MAPK14: variants seen among roughly 807,000 people sequenced by gnomAD.
The protein encoded by MAPK14 is CSAID-binding protein.
In MAPK14, 16 loss-of-function variants were observed where a neutral mutation model predicts 49.6. That is an observed-to-expected ratio of 0.32 (90% CI 0.22 to 0.49). The LOEUF (loss-of-function observed/expected upper bound fraction) is 0.49. MAPK14 is among the 20% of genes least tolerant of loss of function. The pLI, the probability that MAPK14 is intolerant of heterozygous loss-of-function variation, is 0.99. For synonymous variants in MAPK14, 142 were observed against 158.0 expected (o/e 0.90, Z 0.76); for missense variants, 200 against 441.2 (o/e 0.45, Z 4.90).
rs142446233 is a variant in MAPK14 at position 36,050,895 on chromosome 6, G to A, written c.117-1804G>A. On this transcript the variant is annotated intron_variant, in intron 1 of 11. Coordinates refer to ENST00000229794, the MANE Select transcript of MAPK14 (RefSeq NM_139012.3). Reference sequence around the variant, plus strand: ...TCAGAAAAGAGGTTGAAGATTTATAGGAGTTTATCACAAATTGGGATTTGA... The same window carrying A: ...TCAGAAAAGAGGTTGAAGATTTATAAGAGTTTATCACAAATTGGGATTTGA... 1.7e-3 allele frequency among the ~76,000 whole-genome samples: 253 copies of A among 152,232 alleles called. 1 individual carries two copies. Among genetic ancestry groups the A allele is most frequent in the African/African-American group, 3.1e-3 (127 of 41,530 alleles).
intron 3 of MAPK14, among the ~76,000 whole-genome samples, chr6:36,062,207 G>A (rs1763848850): frequency 6.6e-6 from 1 of 152,098 alleles, no homozygotes; most frequent in African/African-American, 2.4e-5. Context: ...GAACTCCTGA[G>A]CTCAGGTGGT....
At chr6:36,117,185 T>C in the MAPK14 span, among the ~76,000 whole-genome samples, 2 of 152,162 alleles carry the variant, frequency 1.3e-5, no homozygotes, top group African/African-American at 4.8e-5. Flanking sequence ...TCTCTACTCA[T>C]CTGGGATAGA....
Position 36,107,498 on chromosome 6 carries a change from G to C in MAPK14, c.885G>C (p.Lys295Asn). Residue 295 changes from lysine to asparagine, a missense_variant, in exon 11 of 12, where the codon AAG becomes AAC. Coordinates refer to ENST00000229794, the MANE Select transcript of MAPK14 (RefSeq NM_139012.3). This position sits in a 1 kb window ranked among gnomAD's most constrained non-coding sequence, Gnocchi z 4.3. Reference protein sequence around the residue: ...LEKMLVLDSDKRITAAQALAH... With the variant: ...LEKMLVLDSDNRITAAQALAH... ...AGATGCTTGTATTGGACTCAGATAA[G>C]AGAATTACAGCGGCCCAAGCCCTTG... 1 of 1,591,808 alleles carries C rather than the reference G, an allele frequency of 6.3e-7. No homozygotes were observed. Among genetic ancestry groups the C allele is most frequent in the South Asian group, 1.2e-5 (1 of 85,614 alleles).
At chr6:36,047,957 T>C (rs1394875762) in intron 1 of MAPK14, among the ~76,000 whole-genome samples, 1 of 152,110 alleles carries the variant, frequency 6.6e-6, no homozygotes, top group Non-Finnish European at 1.5e-5. Context: ...TTGGCCAGGC[T>C]GGTCTCAAAC....
chr6:36,091,245 TTTG>T (rs1439042391), intron 8 of MAPK14, among the ~76,000 whole-genome samples: 2 of 151,638 alleles, frequency 1.3e-5, no homozygotes, highest in Non-Finnish European at 2.9e-5. Context: ...GCTTAGTTTT[TTTG>T]TTTTTTTTTT....
At chr6:36,123,380 GAGCAAGGGAAGAAC>G in the MAPK14 span, among the ~76,000 whole-genome samples, 1 of 152,162 alleles carries the variant, frequency 6.6e-6, no homozygotes, top group Non-Finnish European at 1.5e-5. Flanking sequence ...TTCCCTCAGG[GAGCAAGGGAAGAAC>G]AGCAAAATCA....
chr6:36,096,340 A>C, intron 9 of MAPK14: 1 of 333,548 alleles, frequency 3.0e-6, no homozygotes, highest in Non-Finnish European at 5.5e-6. Context: ...AAGCAATGAG[A>C]TTTGAGATTC....
chr6:36,050,149 G>A (rs1763337441), intron 1 of MAPK14, among the ~76,000 whole-genome samples: 1 of 152,182 alleles, frequency 6.6e-6, no homozygotes, highest in Admixed American at 6.5e-5. Context: ...TCAGTTCCTT[G>A]GATTCAGTCA....
At chr6:36,090,846 C>T (rs78933630) in intron 8 of MAPK14, among the ~76,000 whole-genome samples, 2,440 of 152,272 alleles carry the variant, frequency 0.016, 59 homozygotes, top group African/African-American at 0.056. Flanking sequence ...TTGCCCTTTC[C>T]TCTCTAACTT....
At chr6:36,080,508 A>G (rs1304812487) in intron 8 of MAPK14, among the ~76,000 whole-genome samples, 1 of 152,164 alleles carries the variant, frequency 6.6e-6, no homozygotes, top group African/African-American at 2.4e-5. Flanking sequence ...TAATGTTTTC[A>G]TGGTTCTTCC....
At chr6:36,051,765 A>T (rs1479217701) in intron 1 of MAPK14, among the ~76,000 whole-genome samples, 1 of 152,204 alleles carries the variant, frequency 6.6e-6, no homozygotes, top group Admixed American at 6.5e-5. Flanking sequence ...TGGGAGAATG[A>T]TAATAGTACT....
chr6:36,027,895 A>G lies in MAPK14; in HGVS notation c.-263A>G, dbSNP rs1762367431. 2.4e-6 allele frequency: 1 copy of G among 412,430 alleles called. No homozygotes were observed. The highest frequency in any genetic ancestry group is 1.0e-4 in the South Asian group (1 of 9,814). 25.5% of individuals were successfully genotyped at this position (412,430 alleles called of 1,614,324 possible). A position where few individuals can be genotyped will look rare whatever the true frequency, so the allele number is the denominator to read the frequency against. On this transcript the variant is annotated 5_prime_UTR_variant, in exon 1 of 12. Transcript: ENST00000229794. ...CTTGTAGGGGCGAAGGTGCAGGGAG[A>G]TCGCGGCGGGCGCAGTCTTGAGCGC...
chr6:36,102,522 G>A (rs1448273751), intron 9 of MAPK14, 49 bp from the exon 10 acceptor site: 4 of 1,347,390 alleles, frequency 3.0e-6, no homozygotes, highest in Non-Finnish European at 4.3e-6. Flanking sequence ...TTCTTTGAGA[G>A]CAGTAACATT....
chr6:36,092,283 G>A (rs1047620001), intron 8 of MAPK14: 22 of 585,310 alleles, frequency 3.8e-5, no homozygotes, highest in African/African-American at 1.7e-4. Context: ...ATTCAGCAGC[G>A]TCCCCTTTGT....
chr6:36,107,780 C>T lies in MAPK14; in HGVS notation c.1015+152C>T, dbSNP rs977066411. On this transcript the variant is annotated intron_variant, in intron 11 of 11. Coordinates refer to ENST00000229794, the MANE Select transcript of MAPK14 (RefSeq NM_139012.3). The surrounding 1 kb of genome is among the most constrained non-coding windows in gnomAD (Gnocchi z 4.3). ...GTTCTCTGGTGGAAACTGTTGTAGA[C>T]AGTGATACTCTCTGGACCTTTGAGA... The T allele has an allele frequency of 4.7e-5, 24 of 512,262 alleles. No homozygotes were observed. Among genetic ancestry groups the T allele is most frequent in the Non-Finnish European group, 7.0e-5 (21 of 302,142 alleles). 31.7% of individuals were successfully genotyped at this position (512,262 alleles called of 1,614,324 possible). A position where few individuals can be genotyped will look rare whatever the true frequency, so the allele number is the denominator to read the frequency against.
the MAPK14 span, among the ~76,000 whole-genome samples, chr6:36,123,763 G>C: frequency 6.6e-6 from 1 of 152,142 alleles, no homozygotes; most frequent in Non-Finnish European, 1.5e-5. Flanking sequence ...CAAGGACAAG[G>C]CCGAGATCAA....
At chr6:36,061,019 T>G (rs1763800613) in intron 3 of MAPK14, among the ~76,000 whole-genome samples, 2 of 152,252 alleles carry the variant, frequency 1.3e-5, no homozygotes, top group African/African-American at 4.8e-5. Context: ...TGGATGTTAC[T>G]CAGGGGCATG....
Position 36,086,065 on chromosome 6 carries a change from A to G in MAPK14, c.682+9457A>G, listed in dbSNP as rs978929270. Among the ~76,000 whole-genome samples the G allele has an allele frequency of 2.0e-5, 3 of 152,298 alleles. No individual in the cohort carries two copies. The East Asian group carries it at 5.8e-4, about 29-fold the overall frequency. ...CCTGCTCCTGAATGACTCCTGGATA[A>G]ATAATGAAATTAAGGCGGAAATCAG... On this transcript the variant is annotated intron_variant, in intron 8 of 11. Transcript: ENST00000229794.
intron 3 of MAPK14, among the ~76,000 whole-genome samples, chr6:36,068,578 T>TTG (rs200386510): frequency 6.6e-6 from 1 of 152,018 alleles, no homozygotes; most frequent in Admixed American, 6.6e-5. Context: ...TAAATGGGTT[T>TTG]TTTTGTTTTG....
Sources: gnomAD v4.1 joint callset for allele counts (sites outside exome capture counted in the v4.1 genomes callset) on GRCh38, gnomAD v4.1.1 for gene constraint, Gnocchi (gnomAD v3.1) non-coding constraint, MANE v1.5 for transcripts, NCBI Gene and HGNC (gene_info 2026-07-23, HGNC 2026-07-21) for gene names.